Variants in ZNF331 observed in about 807,000 individuals in gnomAD.
The protein encoded by ZNF331 is C2H2-like zinc finger protein rearranged in thyroid adenomas.
ZNF331 carries 2 observed loss-of-function variants against 7.0 expected under a neutral mutation model. That is an observed-to-expected ratio of 0.29 (90% CI 0.12 to 0.90). The LOEUF is 0.90. Ranked by LOEUF, ZNF331 falls within the 40% of genes least tolerant of loss-of-function variation. ZNF331 has a pLI of 0.58. For synonymous variants in ZNF331, 196 were observed against 205.4 expected (o/e 0.95, Z 0.39); for missense variants, 432 against 587.7 (o/e 0.74, Z 2.74).
At chr19:53,559,969 G>A (rs150349183) in intron 3 of ZNF331, among the ~76,000 whole-genome samples, 23 of 138,514 alleles carry the variant, frequency 1.7e-4, no homozygotes, top group African/African-American at 3.0e-4. Flanking sequence ...TATACACCCC[G>A]TACACATATA....
intron 3 of ZNF331, among the ~76,000 whole-genome samples, chr19:53,561,406 G>T (rs2089880033): frequency 6.8e-6 from 1 of 147,796 alleles, no homozygotes; most frequent in Non-Finnish European, 1.5e-5. Context: ...ACCCGTAATT[G>T]TGCGATCCAC....
At position 53,571,840 on chromosome 19, in the gene ZNF331, C is replaced by T. The variant is rs1157644727; in HGVS notation, c.136+110C>T. ...CTAGTTGAATTTCTTCTTCCTGTCC[C>T]CAAGGAATGTATTGAGCCTTATTGA... On this transcript the variant is annotated intron_variant, in intron 5 of 5. Coordinates refer to ENST00000449416, the MANE Select transcript of ZNF331 (RefSeq NM_001079906.2). The surrounding 1 kb of genome is among the most constrained non-coding windows in gnomAD (Gnocchi z 4.7). 1 of 1,414,664 alleles carries T rather than the reference C, an allele frequency of 7.1e-7. No individual in the cohort carries two copies. Among genetic ancestry groups the T allele is most frequent in the Non-Finnish European group, 9.5e-7 (1 of 1,049,350 alleles). 87.6% of individuals were successfully genotyped at this position (1,414,664 alleles called of 1,614,324 possible).
At chr19:53,542,845 G>T (rs12973871) in intron 2 of ZNF331, among the ~76,000 whole-genome samples, 27,273 of 152,196 alleles carry the variant, frequency 0.18, 3,026 homozygotes, top group Non-Finnish European at 0.24. Flanking sequence ...GTTTCGCTCT[G>T]GTTGCCTAGG....
upstream of ZNF331, among the ~76,000 whole-genome samples, chr19:53,516,140 A>G (rs989878555): frequency 6.6e-6 from 1 of 152,138 alleles, no homozygotes; most frequent in Admixed American, 6.5e-5. Flanking sequence ...TTTGTATTTT[A>G]GACTGCTCAT....
intron 4 of ZNF331, among the ~76,000 whole-genome samples, chr19:53,570,546 TC>T (rs1041170316): frequency 1.8e-3 from 274 of 152,228 alleles, no homozygotes; most frequent in African/African-American, 6.3e-3. Context: ...TTTTTTTTTT[TC>T]TTGGGACGGA....
chr19:53,559,451 CACAT>C (rs996816962), intron 3 of ZNF331, among the ~76,000 whole-genome samples: 6 of 148,278 alleles, frequency 4.0e-5, no homozygotes, highest in African/African-American at 1.0e-4. Context: ...CATATATACA[CACAT>C]ATATACACAC....
intron 5 of ZNF331, among the ~76,000 whole-genome samples, chr19:53,575,336 C>T (rs143856397): frequency 2.5e-3 from 379 of 152,112 alleles, no homozygotes; most frequent in Middle Eastern, 0.017. Context: ...TAGATTTAAA[C>T]GTTTGCTGTT....
At chr19:53,553,928 C>T (rs2089183603) in intron 2 of ZNF331, among the ~76,000 whole-genome samples, 1 of 152,208 alleles carries the variant, frequency 6.6e-6, no homozygotes, top group South Asian at 2.1e-4. Flanking sequence ...GCAAGATGGA[C>T]TCAGTGTGGG....
chr19:53,544,110 C>T (rs999063224), intron 2 of ZNF331, among the ~76,000 whole-genome samples: 2 of 151,536 alleles, frequency 1.3e-5, no homozygotes, highest in African/African-American at 2.4e-5. Flanking sequence ...ACCTGTAGTC[C>T]CAGCTACTCG....
chr19:53,524,177 G>A (rs2087202236), intron 2 of ZNF331, among the ~76,000 whole-genome samples: 1 of 152,136 alleles, frequency 6.6e-6, no homozygotes, highest in Non-Finnish European at 1.5e-5. Flanking sequence ...TGGACATTTG[G>A]GTTGGTTCCA....
chr19:53,514,238 G>A, the ZNF331 span, among the ~76,000 whole-genome samples: 8 of 151,636 alleles, frequency 5.3e-5, no homozygotes, highest in African/African-American at 1.5e-4. Context: ...CTGCTCTGTT[G>A]CCCAGGCTGG....
chr19:53,559,645 A>C lies in ZNF331; in HGVS notation c.-74+3737A>C, dbSNP rs1314404342. ...ACACATATACACACACATCCCATAT[A>C]TACACAGCTACATATATACACACAT... On this transcript the variant is annotated intron_variant, in intron 3 of 5. Coordinates refer to ENST00000449416, the MANE Select transcript of ZNF331 (RefSeq NM_001079906.2). 2.0e-5 allele frequency among the ~76,000 whole-genome samples: 3 copies of C among 151,526 alleles called. No homozygotes were observed. In the East Asian group the frequency reaches 5.8e-4, roughly 29 times the overall value.
intron 2 of ZNF331, chr19:53,523,261 C>G (rs895297061): frequency 6.6e-6 from 1 of 151,648 alleles, no homozygotes; most frequent in Non-Finnish European, 1.5e-5. Flanking sequence ...CCTTGTCCCC[C>G]AGGCTGGAGT....
At chr19:53,506,411 C>CCTCTCTCT in the ZNF331 span, among the ~76,000 whole-genome samples, 2 of 74,412 alleles carry the variant, frequency 2.7e-5, no homozygotes, top group African/African-American at 6.4e-5. Flanking sequence ...CTCTCTCTCT[C>CCTCTCTCT]CTCTCTCTCT....
At chr19:53,508,916 G>C in the ZNF331 span, among the ~76,000 whole-genome samples, 1 of 152,180 alleles carries the variant, frequency 6.6e-6, no homozygotes, top group Non-Finnish European at 1.5e-5. Context: ...TGATTCTGTG[G>C]AGGGAGAGGG....
At chr19:53,505,103 C>T in the ZNF331 span, among the ~76,000 whole-genome samples, 1 of 152,120 alleles carries the variant, frequency 6.6e-6, no homozygotes, top group South Asian at 2.1e-4. Context: ...AACAGGCTGT[C>T]ATAAACTGTA....
upstream of ZNF331, among the ~76,000 whole-genome samples, chr19:53,517,647 A>G (rs1401234076): frequency 6.6e-6 from 1 of 151,900 alleles, no homozygotes; most frequent in Admixed American, 6.6e-5. Flanking sequence ...TTTATCTCTG[A>G]TTTATTAGGG....
chr19:53,506,179 C>CA, the ZNF331 span, among the ~76,000 whole-genome samples: 8 of 144,206 alleles, frequency 5.5e-5, no homozygotes, highest in Non-Finnish European at 9.2e-5. Context: ...ACTAAAAATA[C>CA]AAAAAATTAG....
At chr19:53,551,551 T>C (rs942105006) in intron 2 of ZNF331, among the ~76,000 whole-genome samples, 5 of 152,224 alleles carry the variant, frequency 3.3e-5, no homozygotes, top group Admixed American at 2.6e-4. Flanking sequence ...AGACACATCA[T>C]CTGAAACTAA....
Sources: gnomAD v4.1 joint callset for allele counts (sites outside exome capture counted in the v4.1 genomes callset) on GRCh38, gnomAD v4.1.1 for gene constraint, Gnocchi (gnomAD v3.1) non-coding constraint, MANE v1.5 for transcripts, NCBI Gene and HGNC (gene_info 2026-07-23, HGNC 2026-07-21) for gene names.